SPPL3: variants seen among roughly 807,000 people sequenced by gnomAD.
The protein encoded by SPPL3 is signal peptide peptidase-like 3.
Under a neutral mutation model 42.4 loss-of-function variants are expected in SPPL3, and 5 were observed. The ratio of observed to expected loss-of-function variants is 0.12; its 90% CI spans 0.06 to 0.25. The LOEUF is 0.25. Among genes scored for constraint, SPPL3 ranks in the 10% least tolerant of loss-of-function variants. SPPL3 has a pLI of 1.00. For missense variants in SPPL3, 235 were observed against 489.0 expected (o/e 0.48, Z 4.90); for synonymous variants, 195 against 181.8 (o/e 1.07, Z -0.58).
rs541368696 is a variant in SPPL3, at chr12:120,844,835, A to C, written c.24-33949T>G. Among the ~76,000 whole-genome samples, 11 of 151,794 alleles carry C rather than the reference A, an allele frequency of 7.2e-5. No individual in the cohort carries two copies. The East Asian group carries it at 2.1e-3, about 29-fold the overall frequency. On this transcript the variant is annotated intron_variant, in intron 1 of 10. Transcript: ENST00000353487. ...CCACGGGCCTACATCCCCTCTCAGC[A>C]CTGAACAGAAAGTTGACTTTCCTTT...
Position 120,782,641 on chromosome 12 carries a change from A to C in SPPL3, c.502+14T>G. ...TAAAGTAAAATTACAATTTGTCACA[A>C]ATTAGTCACTCACCATCCATGAGAA... is the stretch of plus-strand genomic sequence containing the variant. On this transcript the variant is annotated intron_variant, in intron 6 of 10. Transcript: ENST00000353487. The C allele has an allele frequency of 6.4e-7, 1 of 1,571,764 alleles. No homozygotes were observed.
intron 3 of SPPL3, among the ~76,000 whole-genome samples, chr12:120,786,195 C>T (rs964205293): frequency 6.6e-6 from 1 of 152,170 alleles, no homozygotes; most frequent in African/African-American, 2.4e-5. Context: ...TCATGACAAA[C>T]AGAAATTATC....
chr12:120,789,019 T>C (rs1869817253), intron 3 of SPPL3, among the ~76,000 whole-genome samples: 1 of 152,244 alleles, frequency 6.6e-6, no homozygotes, highest in African/African-American at 2.4e-5. Flanking sequence ...TAATGGCTTC[T>C]TCATTATGTT....
chr12:120,798,772 C>T (rs2136991886), intron 2 of SPPL3, among the ~76,000 whole-genome samples: 1 of 152,322 alleles, frequency 6.6e-6, no homozygotes. Context: ...GAATTTTTAT[C>T]TACATCTCTA....
intron 1 of SPPL3, among the ~76,000 whole-genome samples, chr12:120,852,211 T>C (rs2137034583): frequency 6.6e-6 from 1 of 151,982 alleles, no homozygotes; most frequent in Non-Finnish European, 1.5e-5. Flanking sequence ...AAGCTCCATA[T>C]AATGGGCTCA....
chr12:120,850,046 G>A (rs530197731), intron 1 of SPPL3, among the ~76,000 whole-genome samples: 1 of 152,216 alleles, frequency 6.6e-6, no homozygotes, highest in South Asian at 2.1e-4. Context: ...CACCTGAGAG[G>A]CTCTGAAATA....
At chr12:120,898,313 TTAAAAAAAA>T (rs1267598862) in intron 1 of SPPL3, among the ~76,000 whole-genome samples, 5 of 98,718 alleles carry the variant, frequency 5.1e-5, no homozygotes, top group African/African-American at 1.5e-4. Context: ...TTTTTTTTTT[TTAAAAAAAA>T]AAAAAAAAAA....
intron 1 of SPPL3, among the ~76,000 whole-genome samples, chr12:120,891,793 T>C (rs1473136581): frequency 6.7e-6 from 1 of 150,250 alleles, no homozygotes; most frequent in Non-Finnish European, 1.5e-5. Context: ...ACAAGTAATA[T>C]ATGCCACATA....
In SPPL3 at chr12:120,763,425, C is replaced by G. The variant is rs996378238; in HGVS notation, c.*1574G>C. The G allele has an allele frequency of 8.5e-5, 13 of 152,700 alleles. No individual in the cohort carries two copies. Among genetic ancestry groups the G allele is most frequent in the African/African-American group, 2.9e-4 (12 of 41,428 alleles). 9.5% of individuals were successfully genotyped at this position (152,700 alleles called of 1,614,324 possible). A position where few individuals can be genotyped will look rare whatever the true frequency, so the allele number is the denominator to read the frequency against. ...CACTAATTCATTACACAGGTCAAGA[C>G]AGAGGCAGCCACTGGGGCGGGGACC... On this transcript the variant is annotated 3_prime_UTR_variant, in exon 11 of 11. Transcript: ENST00000353487.
chr12:120,877,759 CA>C (rs1873150067), intron 1 of SPPL3, among the ~76,000 whole-genome samples: 1 of 132,228 alleles, frequency 7.6e-6, no homozygotes. Flanking sequence ...CCAGCCTGGG[CA>C]ACAAGAGTGA....
In SPPL3 at chr12:120,769,221, C is replaced by T. The variant is rs542790891; in HGVS notation, c.503-162G>A. On this transcript the variant is annotated intron_variant, in intron 6 of 10. Coordinates refer to ENST00000353487, the MANE Select transcript of SPPL3 (RefSeq NM_139015.5). ...TTACATGCAACTGGTGCAAAACACC[C>T]GCTTCTTCAGCCTGTTTGGACTTGT... 3.9e-4 allele frequency: 222 copies of T among 569,858 alleles called. No homozygotes were observed. The Middle Eastern group carries it at 6.3e-3, about 16-fold the overall frequency. The allele number at this position is 569,858 out of a possible 1,614,324, so 35.3% of individuals were successfully genotyped here.
At chr12:120,766,096 GCGCGCACACACACACACACA>G (rs1466527362) in intron 10 of SPPL3, among the ~76,000 whole-genome samples, 147 bp downstream of exon 10, 3 of 90,718 alleles carry the variant, frequency 3.3e-5, no homozygotes, top group Non-Finnish European at 6.1e-5. Context: ...GGTAGCGCGC[GCGCGCACACACACACACACA>G]CACACACACA....
chr12:120,903,837 G>C lies in SPPL3; in HGVS notation c.23+8C>G. The C allele has an allele frequency of 7.1e-7, 1 of 1,405,960 alleles. No individual in the cohort carries two copies. The highest frequency in any genetic ancestry group is 1.3e-5 in the South Asian group (1 of 76,626). 87.1% of individuals were successfully genotyped at this position (1,405,960 alleles called of 1,614,324 possible). A position where few individuals can be genotyped will look rare whatever the true frequency, so the allele number is the denominator to read the frequency against. ...CCGCCTCCCGGCCTCCCGGAGCCCC[G>C]CACTCACCACGAGTAGGTCTGCTCC... On this transcript the variant is annotated splice_region_variant and intron_variant, in intron 1 of 10. Coordinates refer to ENST00000353487, the MANE Select transcript of SPPL3 (RefSeq NM_139015.5).
At chr12:120,780,211 TG>T (rs1869477927) in intron 6 of SPPL3, among the ~76,000 whole-genome samples, 2 of 148,616 alleles carry the variant, frequency 1.3e-5, no homozygotes, top group African/African-American at 2.5e-5. Context: ...GCCAATGCAC[TG>T]GCCCCATCCC....
chr12:120,788,834 A>G (rs1469681899), intron 3 of SPPL3, among the ~76,000 whole-genome samples: 2 of 152,178 alleles, frequency 1.3e-5, no homozygotes, highest in Non-Finnish European at 2.9e-5. Flanking sequence ...GTTGTTCCAC[A>G]TTGTTAATCA....
rs1448028297 is a variant in SPPL3 at position 120,763,892 on chromosome 12, A to G, written c.*1107T>C. The G allele has an allele frequency of 6.6e-6, 1 of 152,402 alleles. No individual in the cohort carries two copies. The highest frequency in any genetic ancestry group is 1.5e-5 in the Non-Finnish European group (1 of 67,994). 9.4% of individuals were successfully genotyped at this position (152,402 alleles called of 1,614,324 possible). On this transcript the variant is annotated 3_prime_UTR_variant, in exon 11 of 11. Transcript: ENST00000353487. ...AAATGTCAAAAAAAAAAATACAAAA[A>G]AATAGAAAATAGAAAAATGTATTTA... is the stretch of plus-strand genomic sequence containing the variant.
chr12:120,856,783 T>C lies in SPPL3; in HGVS notation c.24-45897A>G, dbSNP rs190688082. ...CTGACTGCTAAAGACTGGTGTGCAATTGCCATCTGTGTGAGAAGCAGCAAA... is the reference window on the plus strand; with the variant it reads ...CTGACTGCTAAAGACTGGTGTGCAACTGCCATCTGTGTGAGAAGCAGCAAA... On this transcript the variant is annotated intron_variant, in intron 1 of 10. Coordinates refer to ENST00000353487, the MANE Select transcript of SPPL3 (RefSeq NM_139015.5). Among the ~76,000 whole-genome samples the C allele has an allele frequency of 6.1e-4, 92 of 152,060 alleles. 1 individual carries two copies. Among genetic ancestry groups the C allele is most frequent in the Admixed American group, 1.2e-3 (19 of 15,270 alleles).
Position 120,784,342 on chromosome 12 carries a change from A to T in SPPL3, c.310+132T>A, listed in dbSNP as rs544255289. On this transcript the variant is annotated intron_variant, in intron 4 of 10. Transcript: ENST00000353487. ...GGGAAGGGTGGCGTGGTTGAGACGGAGAAGGCGAAGCCAAGATTTATAAGG... is the reference window on the plus strand; with the variant it reads ...GGGAAGGGTGGCGTGGTTGAGACGGTGAAGGCGAAGCCAAGATTTATAAGG... The T allele has an allele frequency of 1.6e-5, 15 of 922,958 alleles. No homozygotes were observed. The African/African-American group carries it at 1.7e-4, about 10-fold the overall frequency. 57.2% of individuals were successfully genotyped at this position (922,958 alleles called of 1,614,324 possible). A position where few individuals can be genotyped will look rare whatever the true frequency, so the allele number is the denominator to read the frequency against.
In SPPL3 at chr12:120,903,890, G is replaced by A. The variant is rs998611146; in HGVS notation, c.-23C>T. The A allele has an allele frequency of 2.3e-5, 33 of 1,404,764 alleles. No individual in the cohort carries two copies. The highest frequency in any genetic ancestry group is 3.0e-5 in the Non-Finnish European group (32 of 1,079,036). The allele number at this position is 1,404,764 out of a possible 1,614,324, so 87.0% of individuals were successfully genotyped here. ...CATGGCGCTGCCTCTCGTGGGCTCC[G>A]CTGCAGGCTGTGGCCGGGCCCGGCG... On this transcript the variant is annotated 5_prime_UTR_variant, in exon 1 of 11. Transcript: ENST00000353487.
Sources: gnomAD v4.1 joint callset for allele counts (sites outside exome capture counted in the v4.1 genomes callset) on GRCh38, gnomAD v4.1.1 for gene constraint, MANE v1.5 for transcripts, NCBI Gene and HGNC (gene_info 2026-07-23, HGNC 2026-07-21) for gene names.